UNC13C: variants seen among roughly 807,000 people sequenced by gnomAD.
UNC13C encodes the protein unc-13 homolog C, also known as protein unc-13 homolog C.
In UNC13C, 174 loss-of-function variants were observed where a neutral mutation model predicts 245.4. That is an observed-to-expected ratio of 0.71 (90% CI 0.63 to 0.80). The LOEUF (loss-of-function observed/expected upper bound fraction) is 0.80. Among genes scored for constraint, UNC13C ranks in the 30% least tolerant of loss-of-function variants. The pLI is 0.00. For synonymous variants in UNC13C, 992 were observed against 895.1 expected (o/e 1.11, Z -1.93); for missense variants, 2,829 against 2,602.9 (o/e 1.09, Z -1.89).
the UNC13C span, among the ~76,000 whole-genome samples, chr15:53,898,208 AT>A: frequency 4.6e-5 from 7 of 151,136 alleles, no homozygotes; most frequent in African/African-American, 1.5e-4. Context: ...CACCACCACC[AT>A]CATCATCATC....
chr15:54,461,298 A>G (rs182622148), intron 19 of UNC13C, among the ~76,000 whole-genome samples: 19 of 152,320 alleles, frequency 1.2e-4, no homozygotes, highest in African/African-American at 4.6e-4. Flanking sequence ...TGGAATATTT[A>G]GAATTTGGAT....
At chr15:54,603,061 C>T (rs1414836505) in intron 30 of UNC13C, among the ~76,000 whole-genome samples, 1 of 152,190 alleles carries the variant, frequency 6.6e-6, no homozygotes, top group Non-Finnish European at 1.5e-5. Flanking sequence ...TCCACATAGA[C>T]ACCAGTCACA....
intron 18 of UNC13C, among the ~76,000 whole-genome samples, chr15:54,398,860 CA>C (rs1389466819): frequency 6.6e-6 from 1 of 151,236 alleles, no homozygotes; most frequent in Non-Finnish European, 1.5e-5. Context: ...TTGTTCTGTC[CA>C]ACTGTCTGAA....
intron 4 of UNC13C, among the ~76,000 whole-genome samples, chr15:54,223,845 T>A (rs2035298253): frequency 6.6e-6 from 1 of 152,086 alleles, no homozygotes; most frequent in South Asian, 2.1e-4. Flanking sequence ...ATTATAAAGA[T>A]CTTTCACTTA....
rs117700511 is a variant in UNC13C at position 54,021,578 on chromosome 15, C to T, written c.2983+5692C>T. On this transcript the variant is annotated intron_variant, in intron 2 of 32. Transcript: ENST00000260323. ...TTGTGTGTACATCTACTTTTTTATC[C>T]ATTCATCCACTGGTAGACACTTAGG... Among the ~76,000 whole-genome samples, 855 of 152,220 alleles carry T rather than the reference C, an allele frequency of 5.6e-3. 40 individuals are homozygous for T. The South Asian group carries it at 0.12, about 22-fold the overall frequency.
At chr15:54,173,902 C>A (rs919475540) in intron 4 of UNC13C, among the ~76,000 whole-genome samples, 8 of 151,964 alleles carry the variant, frequency 5.3e-5, no homozygotes, top group Non-Finnish European at 1.2e-4. Context: ...TTTTTTTAAT[C>A]ATAAATGTGT....
chr15:54,455,171 C>CTCTCTCTCTCTCTCTCTA (rs1567288728), intron 19 of UNC13C, among the ~76,000 whole-genome samples: 1 of 25,570 alleles, frequency 3.9e-5, no homozygotes, highest in African/African-American at 1.4e-4. Context: ...ATTCCTCTCT[C>CTCTCTCTCTCTCTCTCTA]TCTCTCTCTC....
chr15:53,952,928 G>T, the UNC13C span, among the ~76,000 whole-genome samples: 4 of 152,122 alleles, frequency 2.6e-5, no homozygotes, highest in Non-Finnish European at 4.4e-5. Flanking sequence ...CCCCTGAGCG[G>T]TTTGGGGATG....
intron 19 of UNC13C, among the ~76,000 whole-genome samples, chr15:54,460,423 C>G (rs1891772079): frequency 6.6e-6 from 1 of 152,174 alleles, no homozygotes; most frequent in Non-Finnish European, 1.5e-5. Context: ...TCTGATTAGC[C>G]AGGTTATTGC....
At chr15:53,890,316 T>A in the UNC13C span, among the ~76,000 whole-genome samples, 1 of 152,114 alleles carries the variant, frequency 6.6e-6, no homozygotes, top group Non-Finnish European at 1.5e-5. Flanking sequence ...TAATTTTTTG[T>A]ATTTTTAGTA....
chr15:53,920,294 C>T, the UNC13C span, among the ~76,000 whole-genome samples: 1 of 152,126 alleles, frequency 6.6e-6, no homozygotes, highest in Admixed American at 6.5e-5. Flanking sequence ...CAGAATTAGG[C>T]CAGGCAGGGT....
At chr15:54,510,126 T>A (rs1256085711) in intron 23 of UNC13C, among the ~76,000 whole-genome samples, 2 of 152,152 alleles carry the variant, frequency 1.3e-5, no homozygotes, top group Non-Finnish European at 2.9e-5. Context: ...TATCAAATAA[T>A]CTAAGAAGAG....
At chr15:54,178,100 T>C (rs1466372219) in intron 4 of UNC13C, among the ~76,000 whole-genome samples, 1 of 152,134 alleles carries the variant, frequency 6.6e-6, no homozygotes, top group Non-Finnish European at 1.5e-5. Context: ...GCAGGAGAAT[T>C]ATTCTCTATT....
intron 2 of UNC13C, among the ~76,000 whole-genome samples, chr15:54,105,697 C>T (rs1372661144): frequency 6.6e-6 from 1 of 152,046 alleles, no homozygotes; most frequent in East Asian, 1.9e-4. Flanking sequence ...CAGACTATTG[C>T]AGAAATCATG....
chr15:54,078,810 G>A (rs1196560555), intron 2 of UNC13C, among the ~76,000 whole-genome samples: 1 of 151,864 alleles, frequency 6.6e-6, no homozygotes. Flanking sequence ...CTGTGCAGGA[G>A]CTCTTTAAGT....
rs768240170 is a variant in UNC13C at position 54,077,376 on chromosome 15, CTTTTTTT to C, written c.2983+61504_2983+61510del. 1.6e-4 allele frequency among the ~76,000 whole-genome samples: 10 copies of C among 62,720 alleles called. 1 individual carries two copies. In the East Asian group the frequency reaches 4.4e-3, roughly 28 times the overall value. The allele number at this position is 62,720 out of a possible 152,430, so 41.1% of individuals were successfully genotyped here. On this transcript the variant is annotated intron_variant, in intron 2 of 32. Coordinates refer to ENST00000260323, the MANE Select transcript of UNC13C (RefSeq NM_001080534.3). ...TTTTCCTTTTCTTTTCTTTTCTTTT[CTTTTTTT>C]TTTTTTTTTTTTTGAGACAGAGTCT... is the stretch of plus-strand genomic sequence containing the variant.
At chr15:53,900,295 G>A in the UNC13C span, among the ~76,000 whole-genome samples, 60,747 of 151,944 alleles carry the variant, frequency 0.4, 12,586 homozygotes, top group South Asian at 0.57. Flanking sequence ...TGTTTAGGAT[G>A]GCCATACGAG....
intron 8 of UNC13C, 81 bp downstream of exon 8, chr15:54,250,525 T>TAA: frequency 1.5e-6 from 2 of 1,327,554 alleles, no homozygotes; most frequent in East Asian, 4.9e-5. Context: ...ACTTCAACTC[T>TAA]TGCTGGTTGT....
At chr15:54,340,617 T>C (rs1355916081) in intron 17 of UNC13C, among the ~76,000 whole-genome samples, 1 of 152,148 alleles carries the variant, frequency 6.6e-6, no homozygotes, top group Non-Finnish European at 1.5e-5. Context: ...TTTATTTATG[T>C]GTTCTCTATT....
Sources: gnomAD v4.1 joint callset for allele counts (sites outside exome capture counted in the v4.1 genomes callset) on GRCh38, gnomAD v4.1.1 for gene constraint, MANE v1.5 for transcripts, NCBI Gene and HGNC (gene_info 2026-07-23, HGNC 2026-07-21) for gene names.